The following LYRM1 variants were observed in gnomAD, a reference collection of about 807,000 sequenced individuals.
The protein encoded by LYRM1 is LYR motif containing 1.
A neutral mutation model predicts 14.9 loss-of-function variants in LYRM1; 14 were observed. That is an observed-to-expected ratio of 0.94 (90% CI 0.62 to 1.47). The LOEUF is 1.47. LYRM1 is among the 40% of genes most tolerant of loss of function. The pLI is 0.00. For missense variants in LYRM1, 153 were observed against 149.9 expected, an observed-to-expected ratio of 1.02 and a Z score of -0.11; for synonymous variants, 43 against 56.2, an observed-to-expected ratio of 0.77 and a Z score of 1.05.
Position 20,920,225 on chromosome 16 carries a change from C to T in LYRM1, c.252+11C>T, listed in dbSNP as rs1303634768. ...CCTTACCCAAGGCCAGTAAGTGTGA[C>T]TCCGGTTAACAAGTGCTGGGTACTT... On this transcript the variant is annotated intron_variant, in intron 3 of 3. Coordinates refer to ENST00000567954, the MANE Select transcript of LYRM1 (RefSeq NM_001128302.3). 2.5e-6 allele frequency: 4 copies of T among 1,590,474 alleles called. No homozygotes were observed. The highest frequency in any genetic ancestry group is 3.5e-6 in the Non-Finnish European group (4 of 1,158,440).
chr16:20,915,392 G>A (rs894793823), intron 1 of LYRM1, among the ~76,000 whole-genome samples, 164 bp from the exon 2 acceptor site: 10 of 151,498 alleles, frequency 6.6e-5, no homozygotes, highest in African/African-American at 1.9e-4. Context: ...CCCGGGAGGC[G>A]GAGCTTCCAG....
chr16:20,922,353 T>G (rs2083237433), intron 3 of LYRM1, among the ~76,000 whole-genome samples: 1 of 152,132 alleles, frequency 6.6e-6, no homozygotes, highest in Non-Finnish European at 1.5e-5. Context: ...TTAGGGTTCT[T>G]CAAAGAAACA....
In LYRM1 at chr16:20,901,617, G is replaced by A. The variant is rs1397513922; in HGVS notation, c.-1+728G>A. 1.3e-5 allele frequency among the ~76,000 whole-genome samples: 2 copies of A among 152,264 alleles called. No homozygotes were observed. The highest frequency in any genetic ancestry group is 4.8e-5 in the African/African-American group (2 of 41,470). On this transcript the variant is annotated intron_variant, in intron 1 of 3. Coordinates refer to ENST00000567954, the MANE Select transcript of LYRM1 (RefSeq NM_001128302.3). The surrounding 1 kb of genome is among the most constrained non-coding windows in gnomAD (Gnocchi z 4.6). ...CAGAGCCAGGGCCGGAGTGCCCTGT[G>A]ATGTAGTTGGGGAAGTGGCATGACT...
intron 1 of LYRM1, among the ~76,000 whole-genome samples, chr16:20,909,679 A>G (rs895004418): frequency 5.9e-5 from 9 of 152,214 alleles, no homozygotes; most frequent in African/African-American, 2.2e-4. Flanking sequence ...GGAAAAGCTG[A>G]TTTTTCTAAA....
chr16:20,916,666 C>T (rs1267666026), intron 2 of LYRM1, among the ~76,000 whole-genome samples: 1 of 152,206 alleles, frequency 6.6e-6, no homozygotes, highest in African/African-American at 2.4e-5. Flanking sequence ...CCTGAAGGAC[C>T]TCACCACGGC....
At chr16:20,913,069 A>AAATAAT (rs34662196) in intron 1 of LYRM1, among the ~76,000 whole-genome samples, 19 of 145,054 alleles carry the variant, frequency 1.3e-4, no homozygotes, top group South Asian at 1.3e-3. Context: ...TCTGTCTCAA[A>AAATAAT]AATAATAATA....
chr16:20,915,298 AAAAT>A (rs1199938416), intron 1 of LYRM1, among the ~76,000 whole-genome samples: 1 of 152,058 alleles, frequency 6.6e-6, no homozygotes, highest in Non-Finnish European at 1.5e-5. Context: ...GTCTCTACTA[AAAAT>A]ACAAAAAATT....
At chr16:20,913,068 A>AT (rs1481853242) in intron 1 of LYRM1, among the ~76,000 whole-genome samples, 51 of 109,796 alleles carry the variant, frequency 4.6e-4, no homozygotes, top group South Asian at 1.3e-3. Context: ...CTCTGTCTCA[A>AT]AAATAATAAT....
At chr16:20,919,338 G>A (rs762946319) in intron 2 of LYRM1, among the ~76,000 whole-genome samples, 6 of 152,038 alleles carry the variant, frequency 3.9e-5, no homozygotes, top group Non-Finnish European at 8.8e-5. Context: ...ACATGAGGGG[G>A]GTGTGAAGAA....
intron 2 of LYRM1, 66 bp from the exon 3 acceptor site, chr16:20,920,056 T>A: frequency 9.9e-7 from 1 of 1,005,898 alleles, no homozygotes; most frequent in Middle Eastern, 2.3e-4. Context: ...TGAGAAAATG[T>A]ATACCTATAC....
chr16:20,902,605 C>CTA (rs1350571528), intron 1 of LYRM1: 1 of 152,204 alleles, frequency 6.6e-6, no homozygotes, highest in Non-Finnish European at 1.5e-5. Flanking sequence ...ATCAGTGAAT[C>CTA]TCATCCACCC....
intron 1 of LYRM1, among the ~76,000 whole-genome samples, chr16:20,907,288 C>T (rs537227870): frequency 3.3e-5 from 5 of 152,202 alleles, no homozygotes; most frequent in Non-Finnish European, 5.9e-5. Context: ...CCAAGGCCTA[C>T]CCCCAACCTG....
At chr16:20,908,178 C>T (rs1007791670) in intron 1 of LYRM1, among the ~76,000 whole-genome samples, 1 of 152,168 alleles carries the variant, frequency 6.6e-6, no homozygotes, top group Non-Finnish European at 1.5e-5. Flanking sequence ...GCCATGTGCC[C>T]AGCCTGCTTA....
In LYRM1 at chr16:20,924,049, G is replaced by A. The variant is rs143725437; in HGVS notation, c.302G>A (p.Arg101Gln). Residue 101 changes from arginine (R) to glutamine (Q), a missense_variant, in exon 4 of 4, where the codon CGA becomes CAA. Coordinates refer to ENST00000567954, the MANE Select transcript of LYRM1 (RefSeq NM_001128302.3). ...GLTPLRGRGL[R>Q]SQEKLRKLSK... ...ACCCCACTCCGAGGCCGGGGACTTC[G>A]AAGCCAAGAGAAACTGAGGAAACTT... The A allele has an allele frequency of 5.6e-5, 91 of 1,613,520 alleles. No homozygotes were observed. The highest frequency in any genetic ancestry group is 7.2e-5 in the Non-Finnish European group (85 of 1,179,712).
intron 1 of LYRM1, among the ~76,000 whole-genome samples, chr16:20,912,756 A>G (rs911468823): frequency 8.6e-5 from 13 of 151,768 alleles, no homozygotes; most frequent in African/African-American, 3.1e-4. Context: ...TGCAGAACTT[A>G]CCTATAAACT....
intron 1 of LYRM1, among the ~76,000 whole-genome samples, chr16:20,910,742 C>T (rs1335402967): frequency 6.6e-6 from 1 of 152,084 alleles, no homozygotes; most frequent in Non-Finnish European, 1.5e-5. Context: ...CCACTGTACT[C>T]CAGCCTGGGT....
rs566167462 is a variant in LYRM1, at chr16:20,924,309, A to G, written c.*193A>G. ...GCATCTTTCTTCCTGAGTGGATGGC[A>G]TTATCCCTAGAGGTCATGGACCTTA... On this transcript the variant is annotated 3_prime_UTR_variant, in exon 4 of 4. Transcript: ENST00000567954. 3 of 529,786 alleles carry G rather than the reference A, an allele frequency of 5.7e-6. No individual in the cohort carries two copies. Among genetic ancestry groups the G allele is most frequent in the South Asian group, 4.3e-5 (2 of 46,846 alleles). The allele number at this position is 529,786 out of a possible 1,614,324, so 32.8% of individuals were successfully genotyped here. A position where few individuals can be genotyped will look rare whatever the true frequency, so the allele number is the denominator to read the frequency against.
At position 20,915,693 on chromosome 16, in the gene LYRM1, G is replaced by A. The variant is rs138841536; in HGVS notation, c.138G>A (p.Thr46=). 1.9e-4 allele frequency: 312 copies of A among 1,613,938 alleles called. No individual in the cohort carries two copies. The highest frequency in any genetic ancestry group is 3.3e-4 in the Middle Eastern group (2 of 6,054). Residue 46 remains threonine, a synonymous_variant, in exon 2 of 4, where the codon ACG becomes ACA. Coordinates refer to ENST00000567954, the MANE Select transcript of LYRM1 (RefSeq NM_001128302.3). ...AGTACATACTAAATGAAGCCAGAACGCTGTTCCGGAAAAACAAAAATGTAA... is the reference window on the plus strand; with the variant it reads ...AGTACATACTAAATGAAGCCAGAACACTGTTCCGGAAAAACAAAAATGTAA... ...EKQYILNEAR[T]LFRKNKNLTD...
At chr16:20,917,777 G>A (rs2082983558) in intron 2 of LYRM1, among the ~76,000 whole-genome samples, 1 of 151,968 alleles carries the variant, frequency 6.6e-6, no homozygotes, top group Admixed American at 6.6e-5. Context: ...CAAAAAAAGA[G>A]TAGATGATCA....
Sources: allele counts gnomAD v4.1 joint callset (sites outside exome capture counted in the v4.1 genomes callset), GRCh38; gene constraint gnomAD v4.1.1; non-coding constraint Gnocchi (gnomAD v3.1); transcripts MANE v1.5; gene names NCBI Gene and HGNC (gene_info 2026-07-23, HGNC 2026-07-21).